The following EIPR1 variants were observed in gnomAD, a reference collection of about 807,000 sequenced individuals.
EIPR1 encodes the protein EARP and GARP complex-interacting protein 1.
In EIPR1, 25 loss-of-function variants were observed where a neutral mutation model predicts 48.1. The ratio of observed to expected loss-of-function variants is 0.52; its 90% CI spans 0.38 to 0.73. The LOEUF is 0.73. Among genes scored for constraint, EIPR1 ranks in the 30% least tolerant of loss-of-function variants. EIPR1 has a pLI of 0.00. For synonymous variants in EIPR1, 204 were observed against 201.9 expected (o/e 1.01, Z -0.09); for missense variants, 415 against 506.2 (o/e 0.82, Z 1.73).
At chr2:3,361,549 A>G (rs1215854063) in intron 1 of EIPR1, among the ~76,000 whole-genome samples, 1 of 151,156 alleles carries the variant, frequency 6.6e-6, no homozygotes, top group Non-Finnish European at 1.5e-5. Context: ...CACTCACAGC[A>G]GATGTAACAA....
rs570181917 is a variant in EIPR1 at position 3,189,215 on chromosome 2, C to A, written c.*119G>T. On this transcript the variant is annotated 3_prime_UTR_variant, in exon 9 of 9. Coordinates refer to ENST00000382125, the MANE Select transcript of EIPR1 (RefSeq NM_003310.5). This position sits in a 1 kb window ranked among gnomAD's most constrained non-coding sequence, Gnocchi z 4.6. ...TGCTGCTGCTACAGGAAGGGAACAG[C>A]GGCTCTCCCAGAGAGGGATCCACCT... 1.8e-6 allele frequency: 2 copies of A among 1,088,916 alleles called. No individual in the cohort carries two copies. Among genetic ancestry groups the A allele is most frequent in the Non-Finnish European group, 2.5e-6 (2 of 798,026 alleles). 67.5% of individuals were successfully genotyped at this position (1,088,916 alleles called of 1,614,324 possible).
chr2:3,267,252 C>A (rs1049960225), intron 3 of EIPR1, among the ~76,000 whole-genome samples: 2 of 152,230 alleles, frequency 1.3e-5, no homozygotes, highest in Non-Finnish European at 2.9e-5. Flanking sequence ...GGCTACAGAG[C>A]CAATGATGAC....
At chr2:3,365,272 CATTG>C (rs1038418534) in intron 1 of EIPR1, among the ~76,000 whole-genome samples, 11 of 152,056 alleles carry the variant, frequency 7.2e-5, no homozygotes, top group Non-Finnish European at 1.2e-4. Context: ...CCCCCCATCT[CATTG>C]ATTGATTAAG....
At chr2:3,306,455 T>C (rs1668947625) in intron 3 of EIPR1, among the ~76,000 whole-genome samples, 2 of 152,330 alleles carry the variant, frequency 1.3e-5, no homozygotes, top group South Asian at 4.1e-4. Flanking sequence ...ACACACAGTT[T>C]AGGGGCACCA....
chr2:3,280,632 G>C (rs577400820), intron 3 of EIPR1, among the ~76,000 whole-genome samples: 1 of 152,170 alleles, frequency 6.6e-6, no homozygotes, highest in African/African-American at 2.4e-5. Context: ...ACAAGTATCC[G>C]CTCTGATTTT....
At position 3,350,315 on chromosome 2, in the gene EIPR1, G is replaced by A. The variant is rs1173069810; in HGVS notation, c.126+4235C>T. Among the ~76,000 whole-genome samples the A allele has an allele frequency of 3.3e-5, 5 of 151,988 alleles. No individual in the cohort carries two copies. The East Asian group carries it at 5.8e-4, about 18-fold the overall frequency. On this transcript the variant is annotated intron_variant, in intron 2 of 8. Transcript: ENST00000382125. ...GGCAATAGGAGAGAGCATGAAGGGG[G>A]ATGTGCCACACCCTTTCAAACAATC...
intron 1 of EIPR1, among the ~76,000 whole-genome samples, chr2:3,367,767 G>A (rs1348349863): frequency 2.0e-5 from 3 of 152,112 alleles, no homozygotes; most frequent in East Asian, 1.9e-4. Context: ...TTAATCTCTC[G>A]GCTGGGTGCG....
At chr2:3,374,827 C>A (rs943379560) in intron 1 of EIPR1, among the ~76,000 whole-genome samples, 1 of 147,352 alleles carries the variant, frequency 6.8e-6, no homozygotes, top group African/African-American at 2.5e-5. Context: ...TGTGGCGATT[C>A]CTCAGGGATC....
At chr2:3,278,461 T>C (rs966229633) in intron 3 of EIPR1, among the ~76,000 whole-genome samples, 2 of 152,126 alleles carry the variant, frequency 1.3e-5, no homozygotes, top group Non-Finnish European at 2.9e-5. Context: ...GCAGAGCTGC[T>C]CTGCCCAGGG....
In EIPR1 at chr2:3,214,161, C is replaced by T. The variant is rs764239261; in HGVS notation, c.504G>A (p.Ser168=). ...TGCTTTTACTTACCACAGCCTGGCT[C>T]GAGCTTTCCTGTAAATCCCACAGCA... ...HILLWDLQES[S]SQAVLASSAS... Residue 168 remains serine, a synonymous_variant, in exon 5 of 9, where the codon TCG becomes TCA. Transcript: ENST00000382125. 21 of 1,613,426 alleles carry T rather than the reference C, an allele frequency of 1.3e-5. No individual in the cohort carries two copies. The highest frequency in any genetic ancestry group is 1.6e-4 in the Middle Eastern group (1 of 6,080).
At chr2:3,253,335 A>G (rs1456129550) in intron 4 of EIPR1, among the ~76,000 whole-genome samples, 1 of 152,214 alleles carries the variant, frequency 6.6e-6, no homozygotes, top group Admixed American at 6.5e-5. Flanking sequence ...CCTAAAACGT[A>G]TAAAACCAAG....
intron 3 of EIPR1, among the ~76,000 whole-genome samples, chr2:3,334,352 T>C (rs933814380): frequency 2.0e-5 from 3 of 152,256 alleles, no homozygotes; most frequent in Non-Finnish European, 4.4e-5. Context: ...ATATGATTCA[T>C]GGCAATGTGG....
At chr2:3,271,520 T>C (rs978902107) in intron 3 of EIPR1, among the ~76,000 whole-genome samples, 2 of 152,198 alleles carry the variant, frequency 1.3e-5, no homozygotes, top group Non-Finnish European at 2.9e-5. Flanking sequence ...ACAACATTTG[T>C]TTCTTTGGTA....
At chr2:3,333,631 G>T (rs1385329838) in intron 3 of EIPR1, among the ~76,000 whole-genome samples, 1 of 151,728 alleles carries the variant, frequency 6.6e-6, no homozygotes, top group Non-Finnish European at 1.5e-5. Flanking sequence ...GTCCCAGCTA[G>T]TTGAGAGACT....
At chr2:3,198,321 G>C (rs1664881400) in intron 5 of EIPR1, among the ~76,000 whole-genome samples, 1 of 152,212 alleles carries the variant, frequency 6.6e-6, no homozygotes, top group South Asian at 2.1e-4. Context: ...ATGCAAATGG[G>C]CTGTGCGAGA....
chr2:3,199,049 C>T (rs1186444516), intron 5 of EIPR1, among the ~76,000 whole-genome samples: 3 of 44,520 alleles, frequency 6.7e-5, no homozygotes, highest in Non-Finnish European at 1.0e-4. Context: ...CCCAGAGTGG[C>T]CATTTTAGAG....
intron 2 of EIPR1, among the ~76,000 whole-genome samples, chr2:3,345,751 C>T (rs1020202987): frequency 1.3e-5 from 2 of 152,188 alleles, no homozygotes; most frequent in Non-Finnish European, 1.5e-5. Context: ...GAGGTGGCAC[C>T]GTGGCACTAC....
At chr2:3,247,023 G>GGGAA (rs1192192595) in intron 4 of EIPR1, among the ~76,000 whole-genome samples, 1 of 18,048 alleles carries the variant, frequency 5.5e-5, no homozygotes, top group African/African-American at 3.3e-4. Context: ...GAGGGAGGGA[G>GGGAA]AGAGCGAGGG....
intron 4 of EIPR1, among the ~76,000 whole-genome samples, chr2:3,233,350 T>A (rs999887702): frequency 2.0e-5 from 3 of 152,234 alleles, no homozygotes; most frequent in African/African-American, 4.8e-5. Flanking sequence ...CTTCAGTTGT[T>A]TCCAATTTTT....
Sources: allele counts gnomAD v4.1 joint callset (sites outside exome capture counted in the v4.1 genomes callset), GRCh38; gene constraint gnomAD v4.1.1; non-coding constraint Gnocchi (gnomAD v3.1); transcripts MANE v1.5; gene names NCBI Gene and HGNC (gene_info 2026-07-23, HGNC 2026-07-21).